The following PCDH9 variants were observed in gnomAD, a reference collection of about 807,000 sequenced individuals.
PCDH9 encodes protocadherin-9.
PCDH9 carries 24 observed loss-of-function variants against 70.6 expected under a neutral mutation model. The ratio of observed to expected loss-of-function variants is 0.34; its 90% confidence interval spans 0.25 to 0.48. PCDH9 has a LOEUF of 0.48. PCDH9 is among the 20% of genes least tolerant of loss of function. PCDH9 has a pLI of 0.99. For missense variants in PCDH9, 1,281 were observed against 1,503.6 expected (o/e 0.85, Z 2.45); for synonymous variants, 562 against 558.5 (o/e 1.01, Z -0.09).
intron 3 of PCDH9, among the ~76,000 whole-genome samples, chr13:66,692,140 A>C (rs9571628): frequency 0.32 from 48,680 of 151,968 alleles, 8,532 homozygotes; most frequent in East Asian, 0.51. Flanking sequence ...TGGCATGAAG[A>C]AATTTTGTCA....
chr13:67,119,773 T>C (rs1222257245), intron 2 of PCDH9, among the ~76,000 whole-genome samples: 1 of 152,128 alleles, frequency 6.6e-6, no homozygotes, highest in Non-Finnish European at 1.5e-5. Flanking sequence ...ATTAAACAAC[T>C]AGGACATGCT....
intron 2 of PCDH9, among the ~76,000 whole-genome samples, chr13:67,055,216 T>C (rs935746252): frequency 6.6e-6 from 1 of 152,228 alleles, no homozygotes; most frequent in Non-Finnish European, 1.5e-5. Flanking sequence ...GATATTATTA[T>C]AGTACATTTG....
intron 2 of PCDH9, among the ~76,000 whole-genome samples, chr13:67,027,954 C>G (rs2084821644): frequency 6.6e-6 from 1 of 150,740 alleles, no homozygotes; most frequent in East Asian, 2.0e-4. Context: ...AATAGGAACA[C>G]TTTTACACTG....
chr13:67,143,988 C>G (rs1159762595), intron 2 of PCDH9, among the ~76,000 whole-genome samples: 1 of 152,174 alleles, frequency 6.6e-6, no homozygotes, highest in East Asian at 1.9e-4. Flanking sequence ...TTTCCATCTC[C>G]TCCCTTGACA....
At chr13:67,076,520 G>T (rs370047810) in intron 2 of PCDH9, among the ~76,000 whole-genome samples, 12 of 152,090 alleles carry the variant, frequency 7.9e-5, no homozygotes, top group African/African-American at 2.9e-4. Flanking sequence ...GGTAACATAA[G>T]GAGGGCCGTG....
At chr13:66,486,780 T>C (rs1292786051) in intron 4 of PCDH9, among the ~76,000 whole-genome samples, 2 of 152,212 alleles carry the variant, frequency 1.3e-5, no homozygotes, top group African/African-American at 4.8e-5. Context: ...TTACTGGTTG[T>C]CCCAAATACT....
chr13:66,848,876 C>G (rs1468722282), intron 3 of PCDH9, among the ~76,000 whole-genome samples: 1 of 144,578 alleles, frequency 6.9e-6, no homozygotes, highest in Non-Finnish European at 1.5e-5. Context: ...TGCAGTGAGC[C>G]GAGATCGCAC....
At chr13:67,166,648 T>G (rs2088124433) in intron 2 of PCDH9, among the ~76,000 whole-genome samples, 1 of 152,122 alleles carries the variant, frequency 6.6e-6, no homozygotes, top group Non-Finnish European at 1.5e-5. Context: ...CAGTAAAAAT[T>G]TTTGAGTTTT....
At chr13:67,113,814 T>G (rs1200035372) in intron 2 of PCDH9, among the ~76,000 whole-genome samples, 1 of 152,156 alleles carries the variant, frequency 6.6e-6, no homozygotes, top group Non-Finnish European at 1.5e-5. Context: ...CCCAAAGTGC[T>G]CGGATTACAG....
intron 3 of PCDH9, among the ~76,000 whole-genome samples, chr13:66,806,266 G>A (rs942802163): frequency 6.6e-6 from 1 of 152,014 alleles, no homozygotes; most frequent in South Asian, 2.1e-4. Flanking sequence ...GAGTGATTCA[G>A]TGTTACCAGA....
At chr13:67,020,437 T>A (rs2084652895) in intron 2 of PCDH9, among the ~76,000 whole-genome samples, 1 of 152,194 alleles carries the variant, frequency 6.6e-6, no homozygotes, top group Admixed American at 6.5e-5. Flanking sequence ...TATTTATATG[T>A]CTGAATTGCT....
At chr13:66,317,986 A>G (rs1208667923) in intron 4 of PCDH9, among the ~76,000 whole-genome samples, 1 of 152,168 alleles carries the variant, frequency 6.6e-6, no homozygotes, top group Non-Finnish European at 1.5e-5. Context: ...AAAATGTTAT[A>G]TTTTGAAAGA....
intron 3 of PCDH9, among the ~76,000 whole-genome samples, chr13:66,634,861 A>G (rs1285397091): frequency 1.1e-4 from 16 of 152,102 alleles, no homozygotes; most frequent in African/African-American, 3.6e-4. Context: ...ATGCCTCACC[A>G]TGCAACCTAT....
At chr13:66,445,451 T>G (rs867881844) in intron 4 of PCDH9, among the ~76,000 whole-genome samples, 1 of 144,336 alleles carries the variant, frequency 6.9e-6, no homozygotes, top group Non-Finnish European at 1.5e-5. Context: ...TGTGTGTATA[T>G]ATATACACAT....
rs1220422439 is a variant in PCDH9 at position 66,655,231 on chromosome 13, G to C, written c.3139-23820C>G. ...TGAAAAACAGTAGTTAAGAGTGAGT[G>C]AGTACTGTGTGACAAATGGTAAAAC... On this transcript the variant is annotated intron_variant, in intron 3 of 4. Transcript: ENST00000377865. Among the ~76,000 whole-genome samples the C allele has an allele frequency of 8.5e-5, 13 of 152,214 alleles. No homozygotes were observed. In the East Asian group the frequency reaches 2.5e-3, roughly 29 times the overall value.
At chr13:66,360,767 G>A (rs1201217966) in intron 4 of PCDH9, among the ~76,000 whole-genome samples, 1 of 152,036 alleles carries the variant, frequency 6.6e-6, no homozygotes, top group Non-Finnish European at 1.5e-5. Context: ...AAGGTGAATG[G>A]AAATAAATGT....
intron 3 of PCDH9, among the ~76,000 whole-genome samples, chr13:66,672,973 T>C (rs1468213388): frequency 6.6e-6 from 1 of 152,188 alleles, no homozygotes; most frequent in East Asian, 1.9e-4. Flanking sequence ...ATTAAGACTT[T>C]GGACTGTGGA....
intron 3 of PCDH9, among the ~76,000 whole-genome samples, chr13:66,635,693 C>A (rs1188074159): frequency 6.6e-6 from 1 of 152,040 alleles, no homozygotes; most frequent in South Asian, 2.1e-4. Context: ...CCTAAGAAAT[C>A]CCAATCATTG....
intron 3 of PCDH9, among the ~76,000 whole-genome samples, chr13:66,900,623 A>T (rs2082261587): frequency 1.3e-5 from 2 of 151,772 alleles, no homozygotes; most frequent in African/African-American, 4.8e-5. Flanking sequence ...ATTAAGAGTG[A>T]TAGGTTAATA....
Sources: allele counts gnomAD v4.1 joint callset (sites outside exome capture counted in the v4.1 genomes callset), GRCh38; gene constraint gnomAD v4.1.1; transcripts MANE v1.5; gene names NCBI Gene and HGNC (gene_info 2026-07-23, HGNC 2026-07-21).